LDLRAD4: variants seen among roughly 807,000 people sequenced by gnomAD.
The protein encoded by LDLRAD4 is low density lipoprotein receptor class A domain containing 4.
LDLRAD4 carries 5 observed loss-of-function variants against 17.0 expected under a neutral mutation model. That is an observed-to-expected ratio of 0.29 (90% CI 0.15 to 0.62). The LOEUF is 0.62. LDLRAD4 is among the 20% of genes least tolerant of loss of function. The pLI, the probability that LDLRAD4 is intolerant of heterozygous loss-of-function variation, is 0.84. For synonymous variants in LDLRAD4, 168 were observed against 171.8 expected (o/e 0.98, Z 0.17); for missense variants, 340 against 424.7 (o/e 0.80, Z 1.75).
intron 1 of LDLRAD4, among the ~76,000 whole-genome samples, chr18:13,363,599 A>G (rs1347864533): frequency 6.6e-6 from 1 of 152,114 alleles, no homozygotes; most frequent in Admixed American, 6.5e-5. Context: ...TAACTATCAC[A>G]TTGTCTTTGG....
At chr18:13,267,455 C>T (rs9961966) in intron 1 of LDLRAD4, among the ~76,000 whole-genome samples, 10,576 of 152,240 alleles carry the variant, frequency 0.069, 1,129 homozygotes, top group African/African-American at 0.23. Context: ...TTGAGAAGAA[C>T]GGGGACAGTT....
At chr18:13,361,841 G>C (rs967970141) in intron 1 of LDLRAD4, among the ~76,000 whole-genome samples, 2 of 152,154 alleles carry the variant, frequency 1.3e-5, no homozygotes, top group Non-Finnish European at 2.9e-5. Context: ...GCCAGAGCAG[G>C]CTCATGGTAG....
At chr18:13,379,495 G>T (rs1266389650) in intron 1 of LDLRAD4, among the ~76,000 whole-genome samples, 3 of 152,252 alleles carry the variant, frequency 2.0e-5, no homozygotes, top group African/African-American at 7.2e-5. Context: ...AGAAACACCT[G>T]CAGAGGCAGA....
intron 2 of LDLRAD4, among the ~76,000 whole-genome samples, chr18:13,429,971 TG>T (rs1190636305): frequency 6.6e-6 from 1 of 151,624 alleles, no homozygotes; most frequent in Non-Finnish European, 1.5e-5. Context: ...TCCTGGGTCC[TG>T]GGTCTCGGGG....
At chr18:13,442,206 G>A (rs2091068536) in intron 3 of LDLRAD4, among the ~76,000 whole-genome samples, 1 of 152,102 alleles carries the variant, frequency 6.6e-6, no homozygotes, top group Non-Finnish European at 1.5e-5. Flanking sequence ...TTGTGGAAAC[G>A]AGGAATGAAG....
At chr18:13,419,866 A>G (rs1297453377) in intron 2 of LDLRAD4, 4 of 152,220 alleles carry the variant, frequency 2.6e-5, no homozygotes, top group African/African-American at 9.6e-5. Context: ...ACACACCTCC[A>G]CAGACACAGA....
chr18:13,344,366 C>T (rs1020680748), intron 1 of LDLRAD4, among the ~76,000 whole-genome samples: 1 of 152,148 alleles, frequency 6.6e-6, no homozygotes, highest in Non-Finnish European at 1.5e-5. Context: ...TTGTTTTTGT[C>T]AGCTTTGTCA....
At chr18:13,500,122 TA>T (rs899168547) in intron 3 of LDLRAD4, among the ~76,000 whole-genome samples, 29 of 151,678 alleles carry the variant, frequency 1.9e-4, no homozygotes, top group Middle Eastern at 3.4e-3. Context: ...TTTTGGTGAT[TA>T]AAAAAAAATG....
intron 3 of LDLRAD4, among the ~76,000 whole-genome samples, chr18:13,617,521 G>A (rs2040205783): frequency 6.6e-6 from 1 of 152,210 alleles, no homozygotes; most frequent in African/African-American, 2.4e-5. Flanking sequence ...AGGAAAAAGA[G>A]AGTATTTGAT....
At chr18:13,405,202 C>T (rs866446419) in intron 2 of LDLRAD4, among the ~76,000 whole-genome samples, 2 of 152,012 alleles carry the variant, frequency 1.3e-5, no homozygotes, top group African/African-American at 4.8e-5. Flanking sequence ...GTGCTGAGTA[C>T]TTCATATATA....
intron 1 of LDLRAD4, among the ~76,000 whole-genome samples, chr18:13,303,034 A>C (rs979415520): frequency 9.2e-5 from 14 of 152,192 alleles, no homozygotes; most frequent in African/African-American, 3.4e-4. Context: ...GGCTTTAATG[A>C]ATAGACAGAT....
chr18:13,312,131 G>A (rs889299149), intron 1 of LDLRAD4, among the ~76,000 whole-genome samples: 8 of 152,108 alleles, frequency 5.3e-5, no homozygotes, highest in South Asian at 4.2e-4. Context: ...CACCGTGCCC[G>A]GCCAAATCTG....
rs147750228 is a variant in LDLRAD4 at position 13,389,481 on chromosome 18, C to T, written c.40+1719C>T. On this transcript the variant is annotated intron_variant, in intron 2 of 5. Transcript: ENST00000359446. ...ACCCCAGGAGGCAGCTGGGGAGGAG[C>T]GGCACCTAGGATTTGATGTAAAGAA... Among the ~76,000 whole-genome samples, 419 of 152,220 alleles carry T rather than the reference C, an allele frequency of 2.8e-3. 4 individuals are homozygous for T. Among genetic ancestry groups the T allele is most frequent in the Admixed American group, 0.024 (360 of 15,300 alleles).
At chr18:13,499,790 C>T (rs1262873072) in intron 3 of LDLRAD4, among the ~76,000 whole-genome samples, 4 of 152,144 alleles carry the variant, frequency 2.6e-5, no homozygotes, top group East Asian at 1.9e-4. Context: ...TCTCCACACA[C>T]GTATCCTGCT....
chr18:13,640,947 AAC>A (rs374112698), intron 4 of LDLRAD4, among the ~76,000 whole-genome samples: 31 of 152,330 alleles, frequency 2.0e-4, no homozygotes, highest in African/African-American at 6.7e-4. Flanking sequence ...CATTATTAAA[AAC>A]ACACAGTGCA....
At chr18:13,532,171 C>A (rs374040092) in intron 3 of LDLRAD4, among the ~76,000 whole-genome samples, 32 of 152,254 alleles carry the variant, frequency 2.1e-4, no homozygotes, top group African/African-American at 7.7e-4. Flanking sequence ...TAAAGTCACC[C>A]GGAGGGATGC....
At chr18:13,454,369 G>A (rs904123580) in intron 3 of LDLRAD4, among the ~76,000 whole-genome samples, 6 of 152,208 alleles carry the variant, frequency 3.9e-5, no homozygotes, top group Admixed American at 1.3e-4. Context: ...GATGATTTAA[G>A]TGCATTATAT....
chr18:13,546,735 T>C (rs536144641), intron 3 of LDLRAD4, among the ~76,000 whole-genome samples: 1 of 152,292 alleles, frequency 6.6e-6, no homozygotes, highest in Non-Finnish European at 1.5e-5. Flanking sequence ...GGGCACGTGG[T>C]TCCCCCATCC....
At chr18:13,378,165 A>G (rs1030405942) in intron 1 of LDLRAD4, among the ~76,000 whole-genome samples, 3 of 152,150 alleles carry the variant, frequency 2.0e-5, no homozygotes, top group Non-Finnish European at 4.4e-5. Context: ...TGGCTGTTAT[A>G]TCGCTGATCA....
Sources: gnomAD v4.1 joint callset for allele counts (sites outside exome capture counted in the v4.1 genomes callset) on GRCh38, gnomAD v4.1.1 for gene constraint, MANE v1.5 for transcripts, NCBI Gene and HGNC (gene_info 2026-07-23, HGNC 2026-07-21) for gene names.